RNF10: variants seen among roughly 807,000 people sequenced by gnomAD.
RNF10 encodes E3 ubiquitin-protein ligase RNF10.
Under a neutral mutation model 91.4 loss-of-function variants are expected in RNF10, and 38 were observed. The observed-to-expected ratio is 0.42, with a 90% CI of 0.32 to 0.54. The LOEUF (loss-of-function observed/expected upper bound fraction) is 0.54. RNF10 is among the 20% of genes least tolerant of loss of function. RNF10 has a pLI of 0.16. For missense variants in RNF10, 945 were observed against 1,012.0 expected (o/e 0.93, Z 0.90); for synonymous variants, 364 against 366.3 (o/e 0.99, Z 0.07).
intron 12 of RNF10, among the ~76,000 whole-genome samples, chr12:120,565,969 C>T (rs1875631682): frequency 6.6e-6 from 1 of 152,320 alleles, no homozygotes; most frequent in Middle Eastern, 3.4e-3. Context: ...AGAGATCTTT[C>T]GTAGCAGTAA....
chr12:120,576,679 A>G lies in RNF10; in HGVS notation c.*13A>G, dbSNP rs2137281841. Reference sequence around the variant, plus strand: ...CCACACCAAGTGACACTACTGGCCCAGGCTACCTTCTCCATCTGGTTTTTG... The same window carrying G: ...CCACACCAAGTGACACTACTGGCCCGGGCTACCTTCTCCATCTGGTTTTTG... On this transcript the variant is annotated 3_prime_UTR_variant, in exon 17 of 17. Transcript: ENST00000325954. 6.9e-6 allele frequency: 11 copies of G among 1,601,088 alleles called. No homozygotes were observed. Among genetic ancestry groups the G allele is most frequent in the Non-Finnish European group, 9.4e-6 (11 of 1,176,362 alleles).
At chr12:120,570,437 C>T (rs1341745623) in intron 13 of RNF10, among the ~76,000 whole-genome samples, 2 of 152,162 alleles carry the variant, frequency 1.3e-5, no homozygotes, top group Non-Finnish European at 1.5e-5. Context: ...CCACCCACCT[C>T]AGCCTCCCAA....
At chr12:120,541,758 C>T (rs995848352) in intron 1 of RNF10, among the ~76,000 whole-genome samples, 4 of 149,636 alleles carry the variant, frequency 2.7e-5, no homozygotes, top group East Asian at 2.0e-4. Context: ...GACAAGCTCT[C>T]GCTCTGTCAC....
At chr12:120,563,142 G>A in intron 8 of RNF10, 72 bp downstream of exon 8, 3 of 1,601,958 alleles carry the variant, frequency 1.9e-6, no homozygotes, top group Admixed American at 3.3e-5. Context: ...GCATTACTGT[G>A]AGATCTAAAC....
chr12:120,554,698 C>G lies in RNF10; in HGVS notation c.555-20C>G. On this transcript the variant is annotated intron_variant, in intron 3 of 16. Coordinates refer to ENST00000325954, the MANE Select transcript of RNF10 (RefSeq NM_014868.5). ...GTAGATCCTGACAGTCTAGCTTTTTCCTGTCTTTCCTATTTCTAGCTGCCA... is the reference window on the plus strand; with the variant it reads ...GTAGATCCTGACAGTCTAGCTTTTTGCTGTCTTTCCTATTTCTAGCTGCCA... The G allele has an allele frequency of 1.9e-6, 3 of 1,584,082 alleles. No homozygotes were observed. Among genetic ancestry groups the G allele is most frequent in the Non-Finnish European group, 2.6e-6 (3 of 1,153,808 alleles).
In RNF10 at chr12:120,552,570, C is replaced by G; in HGVS notation, c.426C>G (p.His142Gln). 6.2e-7 allele frequency: 1 copy of G among 1,614,188 alleles called. No homozygotes were observed. Among genetic ancestry groups the G allele is most frequent in the Non-Finnish European group, 8.5e-7 (1 of 1,180,024 alleles). The change falls in exon 3 of 17, where the codon CAC (histidine) becomes CAG (glutamine). Residue 142 changes from histidine (H) to glutamine (Q), a missense_variant. By Grantham distance (24) the His-to-Gln change is conservative (BLOSUM62 0). Coordinates refer to ENST00000325954, the MANE Select transcript of RNF10 (RefSeq NM_014868.5). ...GTCCTAAGAAGATCAACCTGAACCA[C>G]TTGTTGAATTTCACTTTTGAACCCC... ...FSGPKKINLN[H>Q]LLNFTFEPRG... is the part of the protein sequence containing the mutation.
At chr12:120,553,014 T>A (rs1344003320) in intron 3 of RNF10, among the ~76,000 whole-genome samples, 2 of 146,142 alleles carry the variant, frequency 1.4e-5, no homozygotes, top group Admixed American at 1.4e-4. Context: ...AGATTTAGCC[T>A]CTCCTTTATA....
At chr12:120,537,731 C>A (rs1371707407) in intron 1 of RNF10, among the ~76,000 whole-genome samples, 1 of 152,162 alleles carries the variant, frequency 6.6e-6, no homozygotes, top group Non-Finnish European at 1.5e-5. Context: ...ATGTTTGCCA[C>A]CGCCAGTGTC....
chr12:120,539,129 A>G (rs1871216252), intron 1 of RNF10, among the ~76,000 whole-genome samples: 1 of 152,164 alleles, frequency 6.6e-6, no homozygotes, highest in African/African-American at 2.4e-5. Context: ...TAGGCATTTT[A>G]CAGAAGTTTT....
intron 4 of RNF10, among the ~76,000 whole-genome samples, chr12:120,556,865 A>G (rs76073173): frequency 0.03 from 4,541 of 152,112 alleles, 235 homozygotes; most frequent in African/African-American, 0.1. Flanking sequence ...AAGAGCTATC[A>G]TACAAAGCCA....
rs1265647093 is a variant in RNF10 at position 120,577,111 on chromosome 12, C to T, written c.*445C>T. ...TTAAAAAACAGCTGAATCTTTACTA[C>T]CTATTTAGTTCTCCTTGTTAAAGAA... is the stretch of plus-strand genomic sequence containing the variant. On this transcript the variant is annotated 3_prime_UTR_variant, in exon 17 of 17. Coordinates refer to ENST00000325954, the MANE Select transcript of RNF10 (RefSeq NM_014868.5). The T allele has an allele frequency of 2.3e-6, 1 of 438,746 alleles. No individual in the cohort carries two copies. Among genetic ancestry groups the T allele is most frequent in the Non-Finnish European group, 4.5e-6 (1 of 221,156 alleles). The allele number at this position is 438,746 out of a possible 1,614,324, so 27.2% of individuals were successfully genotyped here.
At chr12:120,557,085 CAA>C (rs36018229) in intron 4 of RNF10, among the ~76,000 whole-genome samples, 195 bp from the exon 5 acceptor site, 13 of 111,348 alleles carry the variant, frequency 1.2e-4, no homozygotes, top group South Asian at 5.6e-4. Flanking sequence ...TGGACCGTCT[CAA>C]AAAAAAAAAA....
chr12:120,560,855 G>C lies in RNF10; in HGVS notation c.1097G>C (p.Cys366Ser). ...GAGGAGAAGCACACTCCCGAGTCCT[G>C]CTTTATTGAGGCAGCTATCCAGGAG... ...LAEEKHTPES[C>S]FIEAAIQELK... The change falls in exon 7 of 17, where the codon TGC (cysteine) becomes TCC (serine). Residue 366 changes from cysteine (C) to serine (S), a missense_variant. By Grantham distance (112) the Cys-to-Ser change is moderately radical (BLOSUM62 -1). Coordinates refer to ENST00000325954, the MANE Select transcript of RNF10 (RefSeq NM_014868.5). 6.2e-7 allele frequency: 1 copy of C among 1,614,098 alleles called. No homozygotes were observed. The highest frequency in any genetic ancestry group is 8.5e-7 in the Non-Finnish European group (1 of 1,179,990).
At chr12:120,539,099 CTG>C (rs1350555674) in intron 1 of RNF10, among the ~76,000 whole-genome samples, 7 of 152,082 alleles carry the variant, frequency 4.6e-5, no homozygotes, top group African/African-American at 1.4e-4. Context: ...CATAGTAAAA[CTG>C]TGTGTCAGCC....
At position 120,534,926 on chromosome 12, in the gene RNF10, T is replaced by A. The variant is rs1313542788; in HGVS notation, c.115T>A (p.Ser39Thr). The A allele has an allele frequency of 1.9e-6, 3 of 1,605,412 alleles. No homozygotes were observed. The highest frequency in any genetic ancestry group is 2.2e-5 in the South Asian group (2 of 90,826). ...CAGCAAAGGGCAACAGCCGCCCCGCTCCGCCTCGGCGGGGCCAGCCGGCGA... is the reference window on the plus strand; with the variant it reads ...CAGCAAAGGGCAACAGCCGCCCCGCACCGCCTCGGCGGGGCCAGCCGGCGA... ...GSSKGQQPPR[S>T]ASAGPAGESK... The change falls in exon 1 of 17, where the codon TCC becomes ACC. Residue 39 changes from serine (S) to threonine (T), a missense_variant. Coordinates refer to ENST00000325954, the MANE Select transcript of RNF10 (RefSeq NM_014868.5).
At chr12:120,566,178 A>G (rs1320477057) in intron 12 of RNF10, among the ~76,000 whole-genome samples, 1 of 152,202 alleles carries the variant, frequency 6.6e-6, no homozygotes, top group African/African-American at 2.4e-5. Flanking sequence ...TGGGGTCCCA[A>G]CACCGTGTAG....
intron 1 of RNF10, among the ~76,000 whole-genome samples, chr12:120,535,819 A>G (rs956834098): frequency 1.3e-5 from 2 of 152,208 alleles, no homozygotes; most frequent in Non-Finnish European, 2.9e-5. Flanking sequence ...GCCAAGTACT[A>G]GGTGAAGTTT....
In RNF10 at chr12:120,563,455, G is replaced by A; in HGVS notation, c.1363G>A (p.Val455Met). The A allele has an allele frequency of 6.2e-7, 1 of 1,614,190 alleles. No individual in the cohort carries two copies. The change falls in exon 9 of 17, where the codon GTG (valine) becomes ATG (methionine). Residue 455 changes from valine (V) to methionine (M), a missense_variant. Val to Met is a conservative substitution (Grantham distance 21). Coordinates refer to ENST00000325954, the MANE Select transcript of RNF10 (RefSeq NM_014868.5). ...ALPLVEEEEA[V>M]SEPEPEGLPE... ...CCCTCTGGTAGAAGAGGAGGAAGCA[G>A]TGTCTGAACCAGAGCCTGAGGGGTT...
At chr12:120,571,314 A>C in intron 14 of RNF10, 23 bp downstream of exon 14, 1 of 1,527,550 alleles carries the variant, frequency 6.5e-7, no homozygotes, top group South Asian at 1.1e-5. Flanking sequence ...CTTGTGAAGC[A>C]GCCCAGGGGT....
Sources: gnomAD v4.1 joint callset for allele counts (sites outside exome capture counted in the v4.1 genomes callset) on GRCh38, gnomAD v4.1.1 for gene constraint, MANE v1.5 for transcripts, NCBI Gene and HGNC (gene_info 2026-07-23, HGNC 2026-07-21) for gene names.